KCNN2: variants seen among roughly 807,000 people sequenced by gnomAD.
KCNN2 encodes the protein potassium calcium-activated channel subfamily N member 2, also known as small conductance calcium-activated potassium channel protein 2.
Under a neutral mutation model 55.5 loss-of-function variants are expected in KCNN2, and 24 were observed. The ratio of observed to expected loss-of-function variants is 0.43; its 90% CI spans 0.31 to 0.61. KCNN2 has a LOEUF of 0.61. Among genes scored for constraint, KCNN2 ranks in the 20% least tolerant of loss-of-function variants. The pLI, the probability that KCNN2 is intolerant of heterozygous loss-of-function variation, is 0.08. For missense variants in KCNN2, 754 were observed against 853.6 expected, an observed-to-expected ratio of 0.88 and a Z score of 1.45; for synonymous variants, 431 against 336.1, an observed-to-expected ratio of 1.28 and a Z score of -3.09.
intron 1 of KCNN2, among the ~76,000 whole-genome samples, chr5:114,218,779 C>A (rs1193346925): frequency 1.3e-5 from 2 of 152,136 alleles, no homozygotes; most frequent in Non-Finnish European, 2.9e-5. Flanking sequence ...AACTAATATA[C>A]CACTCTTGTG....
intron 1 of KCNN2, among the ~76,000 whole-genome samples, chr5:114,186,092 C>G (rs1399050056): frequency 6.6e-6 from 1 of 152,090 alleles, no homozygotes; most frequent in Non-Finnish European, 1.5e-5. Context: ...ATGTAAGTTT[C>G]TTTCCTCTTT....
intron 1 of KCNN2, among the ~76,000 whole-genome samples, chr5:114,079,873 G>C (rs1226141486): frequency 6.6e-6 from 1 of 151,778 alleles, no homozygotes; most frequent in Admixed American, 6.6e-5. Context: ...GAGAGACAGA[G>C]AGACAGAGAA....
intron 3 of KCNN2, among the ~76,000 whole-genome samples, chr5:114,425,260 C>T (rs1010067603): frequency 5.9e-5 from 9 of 152,224 alleles, no homozygotes; most frequent in Admixed American, 2.0e-4. Context: ...TTCCAATTCA[C>T]ATGGCAGTTA....
At chr5:114,183,009 G>A (rs1753267696) in intron 1 of KCNN2, among the ~76,000 whole-genome samples, 1 of 152,042 alleles carries the variant, frequency 6.6e-6, no homozygotes, top group Non-Finnish European at 1.5e-5. Context: ...TTTTATAGAT[G>A]TCTTAATCAG....
chr5:114,189,355 C>T (rs1261780596), intron 1 of KCNN2, among the ~76,000 whole-genome samples: 1 of 151,986 alleles, frequency 6.6e-6, no homozygotes, highest in Admixed American at 6.6e-5. Flanking sequence ...GATTGATGTC[C>T]CAGTTAAAAC....
chr5:114,165,573 C>A (rs1297715126), intron 1 of KCNN2, among the ~76,000 whole-genome samples: 1 of 152,114 alleles, frequency 6.6e-6, no homozygotes, highest in Non-Finnish European at 1.5e-5. Context: ...CTACTTCTCT[C>A]TGTAAGATAT....
chr5:114,123,968 T>A (rs1279563651), intron 1 of KCNN2, among the ~76,000 whole-genome samples: 2 of 152,218 alleles, frequency 1.3e-5, no homozygotes, highest in African/African-American at 4.8e-5. Flanking sequence ...ACTGCCTTCT[T>A]TCCTTCCCAA....
In KCNN2 at chr5:114,371,753, T is replaced by C. The variant is rs565821043; in HGVS notation, c.1218+7752T>C. Among the ~76,000 whole-genome samples, 5 of 152,266 alleles carry C rather than the reference T, an allele frequency of 3.3e-5. No homozygotes were observed. The South Asian group carries it at 1.0e-3, about 32-fold the overall frequency. On this transcript the variant is annotated intron_variant, in intron 2 of 7. Transcript: ENST00000673685. ...TCTTTGAATATTCCTTCTCAGACAT[T>C]GAATGTCCCTGATCACATCCTTCTG...
chr5:114,267,184 G>A (rs1158281304), intron 2 of KCNN2, among the ~76,000 whole-genome samples: 2 of 152,040 alleles, frequency 1.3e-5, no homozygotes, highest in South Asian at 2.1e-4. Context: ...GTAGTGAGAC[G>A]GGGTTTCACC....
In KCNN2 at chr5:114,463,308, T is replaced by G. The variant is rs574630802; in HGVS notation, c.1779+118T>G. On this transcript the variant is annotated intron_variant, in intron 4 of 7. Transcript: ENST00000673685. ...TCTTTTCCCATCAGCAGGAAATCAGTATAAATAAATCAATTTTGTGTTGAG... is the reference window on the plus strand; with the variant it reads ...TCTTTTCCCATCAGCAGGAAATCAGGATAAATAAATCAATTTTGTGTTGAG... 2.3e-5 allele frequency: 17 copies of G among 725,668 alleles called. No individual in the cohort carries two copies. The Admixed American group carries it at 4.5e-4, about 19-fold the overall frequency. The allele number at this position is 725,668 out of a possible 1,614,324, so 45.0% of individuals were successfully genotyped here. A position where few individuals can be genotyped will look rare whatever the true frequency, so the allele number is the denominator to read the frequency against.
At chr5:114,478,461 T>G (rs1224362217) in intron 5 of KCNN2, among the ~76,000 whole-genome samples, 1 of 151,662 alleles carries the variant, frequency 6.6e-6, no homozygotes, top group Non-Finnish European at 1.5e-5. Context: ...TGGTACTAAG[T>G]TGGAAAACAT....
intron 2 of KCNN2, among the ~76,000 whole-genome samples, chr5:114,304,182 G>A (rs934915746): frequency 6.6e-6 from 1 of 152,154 alleles, no homozygotes; most frequent in Non-Finnish European, 1.5e-5. Context: ...CCTATTTTCA[G>A]CTAGAGCCAA....
intron 1 of KCNN2, among the ~76,000 whole-genome samples, chr5:114,135,963 G>C (rs949959815): frequency 1.3e-5 from 2 of 151,986 alleles, no homozygotes; most frequent in Non-Finnish European, 2.9e-5. Context: ...AAAAATAAGA[G>C]CTACATAAAG....
chr5:114,420,171 T>A (rs1208272281), intron 3 of KCNN2, among the ~76,000 whole-genome samples: 1 of 152,214 alleles, frequency 6.6e-6, no homozygotes, highest in African/African-American at 2.4e-5. Flanking sequence ...GAGGAGCAGG[T>A]CTTGGGATGG....
rs556139863 is a variant in KCNN2 at position 114,195,687 on chromosome 5, A to G, written c.-270-25793A>G. Among the ~76,000 whole-genome samples, 62 of 151,952 alleles carry G rather than the reference A, an allele frequency of 4.1e-4. 1 individual carries two copies. Among genetic ancestry groups the G allele is most frequent in the Non-Finnish European group, 8.4e-4 (57 of 67,894 alleles). On this transcript the variant is annotated intron_variant, in intron 1 of 10. Coordinates refer to the KCNN2 transcript ENST00000512097. Reference sequence around the variant, plus strand: ...TGCCTTTTATATCTTTTTATTGGCTAATTACTATGTCTTGCACCTCCAGTA... The same window carrying G: ...TGCCTTTTATATCTTTTTATTGGCTGATTACTATGTCTTGCACCTCCAGTA...
chr5:114,134,468 T>TTTAG (rs1260742585), intron 1 of KCNN2, among the ~76,000 whole-genome samples: 1 of 67,382 alleles, frequency 1.5e-5, no homozygotes, highest in African/African-American at 3.7e-5. Flanking sequence ...GATTTATTTA[T>TTTAG]TTATTTATTT....
chr5:114,216,409 G>T (rs1050128204), intron 1 of KCNN2, among the ~76,000 whole-genome samples: 1 of 152,100 alleles, frequency 6.6e-6, no homozygotes, highest in African/African-American at 2.4e-5. Context: ...TCTCAAAAGT[G>T]TAATCCCTGA....
chr5:114,359,470 C>G (rs1329812373), upstream of KCNN2, among the ~76,000 whole-genome samples: 3 of 151,970 alleles, frequency 2.0e-5, no homozygotes, highest in Non-Finnish European at 4.4e-5. Context: ...ACATTTTTGC[C>G]TATTATTTTG....
At chr5:114,338,587 G>A (rs911376493) in intron 2 of KCNN2, among the ~76,000 whole-genome samples, 5 of 152,254 alleles carry the variant, frequency 3.3e-5, no homozygotes, top group South Asian at 2.1e-4. Flanking sequence ...TCCTTCCTAC[G>A]TAGCTCTTCC....
Sources: allele counts gnomAD v4.1 joint callset (sites outside exome capture counted in the v4.1 genomes callset), GRCh38; gene constraint gnomAD v4.1.1; transcripts MANE v1.5; gene names NCBI Gene and HGNC (gene_info 2026-07-23, HGNC 2026-07-21).